PPP1R9A: variants seen among roughly 807,000 people sequenced by gnomAD.
The protein encoded by PPP1R9A is neurabin-1.
PPP1R9A carries 59 observed loss-of-function variants against 141.9 expected under a neutral mutation model. The observed-to-expected ratio is 0.42, with a 90% CI of 0.34 to 0.52. The LOEUF is 0.52. Among genes scored for constraint, PPP1R9A ranks in the 20% least tolerant of loss-of-function variants. The pLI is 0.10. For synonymous variants in PPP1R9A, 500 were observed against 569.7 expected (o/e 0.88, Z 1.74); for missense variants, 1,444 against 1,611.9 (o/e 0.90, Z 1.78).
intron 19 of PPP1R9A, 112 bp downstream of exon 19, chr7:95,288,830 A>G: frequency 7.8e-7 from 1 of 1,283,676 alleles, no homozygotes; most frequent in African/African-American, 1.5e-5. Flanking sequence ...GGTAATTCTC[A>G]TCAATATTCA....
chr7:94,958,511 CCTT>C (rs1373654233), intron 2 of PPP1R9A, among the ~76,000 whole-genome samples: 5 of 151,908 alleles, frequency 3.3e-5, no homozygotes, highest in African/African-American at 4.8e-5. Context: ...CTTACTCTCA[CCTT>C]CTTTTTTCTT....
At chr7:95,123,510 G>A (rs570609270) in intron 4 of PPP1R9A, among the ~76,000 whole-genome samples, 63 of 152,266 alleles carry the variant, frequency 4.1e-4, no homozygotes, top group Admixed American at 3.2e-3. Flanking sequence ...TTAGCTGGGC[G>A]TGGTAGTGGG....
chr7:95,075,011 A>G (rs1814628538), intron 2 of PPP1R9A, among the ~76,000 whole-genome samples: 1 of 152,174 alleles, frequency 6.6e-6, no homozygotes. Flanking sequence ...ATGTCCATGT[A>G]ATTGGTTCAT....
chr7:94,937,863 A>G (rs1294913192), intron 2 of PPP1R9A, among the ~76,000 whole-genome samples: 3 of 152,340 alleles, frequency 2.0e-5, no homozygotes, highest in Non-Finnish European at 4.4e-5. Flanking sequence ...ATATTAAGAT[A>G]GGGCACTGGA....
intron 2 of PPP1R9A, among the ~76,000 whole-genome samples, chr7:95,016,445 T>TG (rs1805117059): frequency 6.6e-6 from 1 of 152,086 alleles, no homozygotes; most frequent in Non-Finnish European, 1.5e-5. Context: ...CTATCATGAA[T>TG]GTAAATGCAA....
chr7:95,225,816 G>C, intron 7 of PPP1R9A, 145 bp from the exon 8 acceptor site: 1 of 707,898 alleles, frequency 1.4e-6, no homozygotes, highest in East Asian at 2.7e-5. Context: ...AACATTGGCT[G>C]CATGAGGCAT....
intron 2 of PPP1R9A, among the ~76,000 whole-genome samples, chr7:94,989,526 C>T (rs918994115): frequency 6.6e-6 from 1 of 151,954 alleles, no homozygotes; most frequent in African/African-American, 2.4e-5. Context: ...CAGTATAGCT[C>T]GAAGTCAATG....
chr7:95,179,447 C>G (rs571195766), intron 5 of PPP1R9A, among the ~76,000 whole-genome samples: 1 of 152,116 alleles, frequency 6.6e-6, no homozygotes, highest in South Asian at 2.1e-4. Context: ...GAAAGCATTC[C>G]CTCTGAGAAC....
At chr7:95,166,347 A>T (rs990172837) in intron 5 of PPP1R9A, among the ~76,000 whole-genome samples, 3 of 152,174 alleles carry the variant, frequency 2.0e-5, no homozygotes, top group Non-Finnish European at 4.4e-5. Flanking sequence ...TTATGAGAAG[A>T]TAGATAAGCT....
At position 95,213,975 on chromosome 7, in the gene PPP1R9A, C is replaced by G. The variant is rs559273644; in HGVS notation, c.1956+10245C>G. Among the ~76,000 whole-genome samples, 4 of 152,258 alleles carry G rather than the reference C, an allele frequency of 2.6e-5. 1 individual carries two copies. In the South Asian group the frequency reaches 8.3e-4, roughly 32 times the overall value. On this transcript the variant is annotated intron_variant, in intron 7 of 19. Transcript: ENST00000433360. Reference sequence around the variant, plus strand: ...TGTGTCACTACATAATAAGCACGCTCCCTTCCAGTTTCCACTCACAATCTG... The same window carrying G: ...TGTGTCACTACATAATAAGCACGCTGCCTTCCAGTTTCCACTCACAATCTG...
chr7:95,125,183 G>A (rs537031186), intron 4 of PPP1R9A, among the ~76,000 whole-genome samples: 96 of 152,184 alleles, frequency 6.3e-4, no homozygotes, highest in Non-Finnish European at 1.1e-3. Context: ...GTCTCACTGT[G>A]TTGCCCAGGC....
At chr7:95,181,010 A>G (rs1188985819) in intron 5 of PPP1R9A, among the ~76,000 whole-genome samples, 2 of 151,654 alleles carry the variant, frequency 1.3e-5, no homozygotes, top group Non-Finnish European at 1.5e-5. Context: ...TGATCCAGCA[A>G]TCCCACTACT....
At chr7:95,273,773 C>A in intron 14 of PPP1R9A, 126 bp from the exon 15 acceptor site, 1 of 896,152 alleles carries the variant, frequency 1.1e-6, no homozygotes, top group Non-Finnish European at 1.7e-6. Flanking sequence ...TATAAGAAGG[C>A]ATTGATTATT....
At chr7:94,961,991 G>C (rs1377485202) in intron 2 of PPP1R9A, among the ~76,000 whole-genome samples, 1 of 151,522 alleles carries the variant, frequency 6.6e-6, no homozygotes, top group Non-Finnish European at 1.5e-5. Context: ...ATCTTCATTG[G>C]GTTTCGGGAT....
chr7:94,943,108 A>C (rs1795523108), intron 2 of PPP1R9A, among the ~76,000 whole-genome samples: 1 of 152,150 alleles, frequency 6.6e-6, no homozygotes, highest in South Asian at 2.1e-4. Context: ...TGTTCTTCAT[A>C]TGTTTTCTTA....
chr7:94,983,684 T>C (rs1800422142), intron 2 of PPP1R9A, among the ~76,000 whole-genome samples: 1 of 152,184 alleles, frequency 6.6e-6, no homozygotes, highest in Admixed American at 6.5e-5. Flanking sequence ...TGATTTTGTA[T>C]CCTGCGACTT....
intron 3 of PPP1R9A, among the ~76,000 whole-genome samples, chr7:95,112,254 A>G (rs1820697352): frequency 1.3e-5 from 2 of 152,192 alleles, no homozygotes; most frequent in South Asian, 2.1e-4. Context: ...TGGGCAAAGG[A>G]CACGAACAGG....
In PPP1R9A at chr7:95,133,756, G is replaced by A. The variant is rs1825110606; in HGVS notation, c.1649+12924G>A. Reference sequence around the variant, plus strand: ...CTGTCACCCAGGCTGGAGTGCAGTGGCATGATCTTGGCTCACTGCAACCTC... The same window carrying A: ...CTGTCACCCAGGCTGGAGTGCAGTGACATGATCTTGGCTCACTGCAACCTC... On this transcript the variant is annotated intron_variant, in intron 4 of 19. Coordinates refer to ENST00000433360, the MANE Select transcript of PPP1R9A (RefSeq NM_001166160.2). 2.0e-5 allele frequency among the ~76,000 whole-genome samples: 3 copies of A among 151,990 alleles called. No homozygotes were observed. In the South Asian group the frequency reaches 6.2e-4, roughly 31 times the overall value.
At chr7:94,926,381 G>C (rs1423037119) in intron 2 of PPP1R9A, among the ~76,000 whole-genome samples, 1 of 152,108 alleles carries the variant, frequency 6.6e-6, no homozygotes, top group Non-Finnish European at 1.5e-5. Context: ...AGCTGAAGGG[G>C]AGAGTACTCA....
Sources: gnomAD v4.1 joint callset for allele counts (sites outside exome capture counted in the v4.1 genomes callset) on GRCh38, gnomAD v4.1.1 for gene constraint, MANE v1.5 for transcripts, NCBI Gene and HGNC (gene_info 2026-07-23, HGNC 2026-07-21) for gene names.